HMCN2: variants seen among roughly 807,000 people sequenced by gnomAD.
The protein encoded by HMCN2 is hemicentin-2.
In HMCN2, 325 loss-of-function variants were observed where a neutral mutation model predicts 377.5. The observed-to-expected ratio is 0.86, with a 90% CI of 0.79 to 0.94. The LOEUF (loss-of-function observed/expected upper bound fraction) is 0.94. Among genes scored for constraint, HMCN2 ranks in the 40% least tolerant of loss-of-function variants. HMCN2 has a pLI of 0.00. For synonymous variants in HMCN2, 2,007 were observed against 2,046.8 expected, an observed-to-expected ratio of 0.98 and a Z score of 0.53; for missense variants, 4,543 against 4,725.3, an observed-to-expected ratio of 0.96 and a Z score of 1.13.
At chr9:130,421,351 G>A (rs772792918) in intron 86 of HMCN2, among the ~76,000 whole-genome samples, 2 of 152,178 alleles carry the variant, frequency 1.3e-5, no homozygotes, top group East Asian at 1.9e-4. Context: ...TCTGTGGGAC[G>A]ATTTCCTTAA....
At position 130,403,852 on chromosome 9, in the gene HMCN2, G is replaced by T; in HGVS notation, c.12125G>T (p.Gly4042Val). The stretch of plus-strand genomic sequence containing the variant: ...AAGAACAGTGCGGGCAGTGCCATGG[G>T]GAAGACGCGGCTGGTGGTGCAAGGT... ...IAKNSAGSAM[G>V]KTRLVVQVPP... is the part of the protein sequence containing the mutation. The change falls in exon 80 of 98, where the codon GGG becomes GTG. Residue 4042 changes from glycine to valine, a missense_variant. This residue lies in a region of HMCN2 where 1,073 missense variants were observed against 1,319.5 expected (regional missense o/e 0.81). Transcript: ENST00000683500. 2 of 1,289,540 alleles carry T rather than the reference G, an allele frequency of 1.6e-6. No individual in the cohort carries two copies. The highest frequency in any genetic ancestry group is 2.0e-6 in the Non-Finnish European group (2 of 988,646). The allele number at this position is 1,289,540 out of a possible 1,614,324, so 79.9% of individuals were successfully genotyped here. A position where few individuals can be genotyped will look rare whatever the true frequency, so the allele number is the denominator to read the frequency against.
chr9:130,303,966 G>T lies in HMCN2; in HGVS notation c.1543+358G>T, dbSNP rs934114569. ...CGGCCAGGATGGCGCCATCGAGCTG[G>T]GGAGGTTGGATACACCACAGACTGT... On this transcript the variant is annotated intron_variant, in intron 10 of 97. Coordinates refer to ENST00000683500, the MANE Select transcript of HMCN2 (RefSeq NM_001291815.2). The surrounding 1 kb of genome is among the most constrained non-coding windows in gnomAD (Gnocchi z 5.2). Among the ~76,000 whole-genome samples the T allele has an allele frequency of 1.3e-5, 2 of 152,222 alleles. No individual in the cohort carries two copies. Among genetic ancestry groups the T allele is most frequent in the African/African-American group, 4.8e-5 (2 of 41,466 alleles).
At position 130,428,954 on chromosome 9, in the gene HMCN2, C is replaced by T. The variant is rs535024771; in HGVS notation, c.14197+465C>T. Among the ~76,000 whole-genome samples the T allele has an allele frequency of 7.9e-5, 12 of 152,324 alleles. 1 individual carries two copies. The highest frequency in any genetic ancestry group is 2.9e-4 in the African/African-American group (12 of 41,564). On this transcript the variant is annotated intron_variant, in intron 93 of 97. Coordinates refer to ENST00000683500, the MANE Select transcript of HMCN2 (RefSeq NM_001291815.2). The surrounding 1 kb of genome is among the most constrained non-coding windows in gnomAD (Gnocchi z 5.0). ...CCCTGGATGGGTGACCTCAATGGTC[C>T]TTCCTGCTCTAACAGTCTATGGCTG...
At chr9:130,408,279 C>G (rs948457439) in intron 83 of HMCN2, among the ~76,000 whole-genome samples, 6 of 152,282 alleles carry the variant, frequency 3.9e-5, no homozygotes, top group African/African-American at 1.4e-4. Flanking sequence ...TCCAGAGCAT[C>G]GAAGAGTGTT....
intron 74 of HMCN2, 51 bp from the exon 75 acceptor site, chr9:130,398,500 C>T: frequency 9.4e-7 from 1 of 1,063,452 alleles, no homozygotes; most frequent in Non-Finnish European, 1.2e-6. Flanking sequence ...CAGAGAGCCC[C>T]CAGCCCCTGT....
Position 130,375,677 on chromosome 9 carries a change from T to A in HMCN2, c.7745T>A (p.Ile2582Asn). Residue 2582 changes from isoleucine (I) to asparagine (N), a missense_variant, in exon 50 of 98, where the codon ATC becomes AAC. Physicochemically the swap from Ile to Asn is moderately radical, Grantham distance 149. Coordinates refer to ENST00000683500, the MANE Select transcript of HMCN2 (RefSeq NM_001291815.2). Reference sequence around the variant, plus strand: ...GCCCTGGCCTTCCCTTCCCCCAACATCACCTGGATGAAGGACGGGGCCCCG... The same window carrying A: ...GCCCTGGCCTTCCCTTCCCCCAACAACACCTGGATGAAGGACGGGGCCCCG... Reference protein sequence around the residue: ...CEALAFPSPNITWMKDGAPFE... With the variant: ...CEALAFPSPNNTWMKDGAPFE... 2 of 985,718 alleles carry A rather than the reference T, an allele frequency of 2.0e-6. No individual in the cohort carries two copies. The highest frequency in any genetic ancestry group is 2.4e-6 in the Non-Finnish European group (2 of 829,932). 61.1% of individuals were successfully genotyped at this position (985,718 alleles called of 1,614,324 possible). A position where few individuals can be genotyped will look rare whatever the true frequency, so the allele number is the denominator to read the frequency against.
intron 60 of HMCN2, 76 bp downstream of exon 60, chr9:130,385,838 A>G: frequency 9.4e-7 from 1 of 1,066,288 alleles, no homozygotes; most frequent in Non-Finnish European, 1.3e-6. Context: ...AGCTGCGGGG[A>G]GGAAGGTGGG....
chr9:130,416,962 G>C (rs140123566), intron 85 of HMCN2, among the ~76,000 whole-genome samples: 2,702 of 151,854 alleles, frequency 0.018, 37 homozygotes, highest in East Asian at 0.069. Context: ...GCCCAGGCTG[G>C]AGTGCAGTGG....
At chr9:130,375,047 TA>T (rs1841297812) in intron 49 of HMCN2, among the ~76,000 whole-genome samples, 2 of 152,164 alleles carry the variant, frequency 1.3e-5, no homozygotes, top group Non-Finnish European at 2.9e-5. Context: ...AATACATACC[TA>T]CTATTCTGTA....
intron 1 of HMCN2, among the ~76,000 whole-genome samples, chr9:130,280,596 A>G (rs1835061690): frequency 6.6e-6 from 1 of 152,146 alleles, no homozygotes; most frequent in Admixed American, 6.5e-5. Context: ...TCCTATTAAA[A>G]TGATGTTTGA....
chr9:130,356,977 G>A (rs1840056324), intron 34 of HMCN2, among the ~76,000 whole-genome samples: 1 of 151,818 alleles, frequency 6.6e-6, no homozygotes, highest in African/African-American at 2.4e-5. Context: ...TGGATGGATG[G>A]ATGGAAAGGT....
At position 130,356,223 on chromosome 9, in the gene HMCN2, C is replaced by G; in HGVS notation, c.5391C>G (p.Gly1797=). The G allele has an allele frequency of 4.6e-6, 6 of 1,302,496 alleles. No homozygotes were observed. The highest frequency in any genetic ancestry group is 6.1e-6 in the Non-Finnish European group (6 of 988,688). The allele number at this position is 1,302,496 out of a possible 1,614,324, so 80.7% of individuals were successfully genotyped here. A position where few individuals can be genotyped will look rare whatever the true frequency, so the allele number is the denominator to read the frequency against. ...LFACQATNEA[G]TAGAEVEVSV... ...CCTGCCAGGCCACCAATGAGGCGGGCACTGCCGGGGCCGAGGTGGAGGTGT... is the reference window on the plus strand; with the variant it reads ...CCTGCCAGGCCACCAATGAGGCGGGGACTGCCGGGGCCGAGGTGGAGGTGT... Residue 1797 remains glycine, a synonymous_variant, in exon 34 of 98, where the codon GGC becomes GGG. Transcript: ENST00000683500.
intron 22 of HMCN2, among the ~76,000 whole-genome samples, chr9:130,330,757 C>T (rs1254364583): frequency 2.0e-5 from 3 of 152,216 alleles, no homozygotes; most frequent in Non-Finnish European, 4.4e-5. Context: ...TCTTATATTC[C>T]GTCCTCATCA....
At position 130,382,826 on chromosome 9, in the gene HMCN2, G is replaced by A. The variant is rs1841803741; in HGVS notation, c.8693G>A (p.Ser2898Asn). 1.0e-6 allele frequency: 1 copy of A among 985,898 alleles called. No individual in the cohort carries two copies. 61.1% of individuals were successfully genotyped at this position (985,898 alleles called of 1,614,324 possible). Reference sequence around the variant, plus strand: ...CAGAATGGGCTGCCTTTCTCCCCGAGCCCACGGCTGCAGGTCCTGGAGGAC... The same window carrying A: ...CAGAATGGGCTGCCTTTCTCCCCGAACCCACGGCTGCAGGTCCTGGAGGAC... ...WLQNGLPFSP[S>N]PRLQVLEDGQ... is the part of the protein sequence containing the mutation. The change falls in exon 56 of 98, where the codon AGC becomes AAC. Residue 2898 changes from serine (S) to asparagine (N), a missense_variant. Around this residue, in one of 5 missense-constraint regions of HMCN2, gnomAD observed 736 missense variants for 773.2 expected, o/e 0.95. Coordinates refer to ENST00000683500, the MANE Select transcript of HMCN2 (RefSeq NM_001291815.2).
At chr9:130,425,562 T>TGG in intron 89 of HMCN2, 125 bp from the exon 90 acceptor site, 1 of 707,392 alleles carries the variant, frequency 1.4e-6, no homozygotes, top group East Asian at 2.7e-5. Flanking sequence ...GCCCCTGAGT[T>TGG]GGGGTAAGGG....
chr9:130,350,378 C>A (rs373226696), intron 29 of HMCN2, among the ~76,000 whole-genome samples: 24 of 74,708 alleles, frequency 3.2e-4, no homozygotes, highest in South Asian at 5.9e-4. Context: ...GCTAAAAATA[C>A]AAAAAAATAC....
chr9:130,354,679 G>A, intron 31 of HMCN2, 84 bp from the exon 32 acceptor site: 1 of 1,143,906 alleles, frequency 8.7e-7, no homozygotes, highest in Non-Finnish European at 1.1e-6. Flanking sequence ...GTCGGTGAGG[G>A]GCTTCAGCGG....
intron 52 of HMCN2, among the ~76,000 whole-genome samples, chr9:130,377,411 C>CA (rs1488345476): frequency 6.6e-6 from 1 of 152,220 alleles, no homozygotes; most frequent in Non-Finnish European, 1.5e-5. Context: ...TGCGCCCAGC[C>CA]ATATTTTTAA....
At chr9:130,425,444 C>T (rs1228692631) in intron 89 of HMCN2, among the ~76,000 whole-genome samples, 1 of 151,120 alleles carries the variant, frequency 6.6e-6, no homozygotes, top group African/African-American at 2.4e-5. Flanking sequence ...CTCACCCCAT[C>T]TCCTCCCAAG....
Sources: gnomAD v4.1 joint callset for allele counts (sites outside exome capture counted in the v4.1 genomes callset) on GRCh38, gnomAD v4.1.1 for gene constraint, gnomAD v4.1.1 regional missense constraint, Gnocchi (gnomAD v3.1) non-coding constraint, MANE v1.5 for transcripts, NCBI Gene and HGNC (gene_info 2026-07-23, HGNC 2026-07-21) for gene names.